The following NUF2 variants were observed in gnomAD, a reference collection of about 807,000 sequenced individuals.
NUF2 encodes kinetochore protein Nuf2.
NUF2 carries 34 observed loss-of-function variants against 61.8 expected under a neutral mutation model. That is an observed-to-expected ratio of 0.55 (90% confidence interval 0.42 to 0.73). NUF2 has a LOEUF of 0.73. NUF2 is among the 30% of genes least tolerant of loss of function. NUF2 has a pLI of 0.00. For synonymous variants in NUF2, 172 were observed against 181.6 expected (o/e 0.95, Z 0.42); for missense variants, 445 against 539.1 (o/e 0.83, Z 1.73).
intron 7 of NUF2, among the ~76,000 whole-genome samples, chr1:163,338,851 T>C (rs1194535306): frequency 6.6e-6 from 1 of 152,042 alleles, no homozygotes; most frequent in Admixed American, 6.6e-5. Flanking sequence ...AGCAGTCCTG[T>C]AAACTGACAG....
At chr1:163,340,893 T>C (rs1419039652) in intron 9 of NUF2, among the ~76,000 whole-genome samples, 1 of 152,200 alleles carries the variant, frequency 6.6e-6, no homozygotes, top group Non-Finnish European at 1.5e-5. Flanking sequence ...TAGATTCTAA[T>C]TTTTTGCTAT....
chr1:163,336,626 G>T (rs1165316475), intron 5 of NUF2, 125 bp from the exon 6 acceptor site: 3 of 569,866 alleles, frequency 5.3e-6, no homozygotes, highest in African/African-American at 1.9e-5. Flanking sequence ...TCTACACTTT[G>T]TTATATCCTA....
chr1:163,344,041 A>G (rs1182510251), intron 10 of NUF2, among the ~76,000 whole-genome samples, 171 bp downstream of exon 10: 2 of 152,174 alleles, frequency 1.3e-5, no homozygotes, highest in Admixed American at 6.6e-5. Context: ...GAATATGGGG[A>G]AAATAAATAT....
At chr1:163,325,947 C>T in intron 1 of NUF2, 85 bp from the exon 2 acceptor site, 2 of 1,035,542 alleles carry the variant, frequency 1.9e-6, no homozygotes, top group Non-Finnish European at 2.9e-6. Flanking sequence ...TCAACTTTGG[C>T]TCATTTTGTC....
intron 1 of NUF2, among the ~76,000 whole-genome samples, chr1:163,323,818 A>G (rs955579598): frequency 6.6e-6 from 1 of 152,180 alleles, no homozygotes; most frequent in Admixed American, 6.5e-5. Flanking sequence ...TTAAGTTTCA[A>G]ATAATCAATT....
intron 13 of NUF2, among the ~76,000 whole-genome samples, chr1:163,350,773 A>G (rs16852861): frequency 0.17 from 20,494 of 118,522 alleles, 1,647 homozygotes; most frequent in Non-Finnish European, 0.22. Flanking sequence ...AATGGGGCCC[A>G]TGAAATGTGT....
At chr1:163,334,739 A>G (rs1416325289) in intron 5 of NUF2, among the ~76,000 whole-genome samples, 1 of 152,166 alleles carries the variant, frequency 6.6e-6, no homozygotes, top group African/African-American at 2.4e-5. Context: ...TGATCGTGCC[A>G]CTGCATCCCA....
intron 5 of NUF2, 91 bp from the exon 6 acceptor site, chr1:163,336,660 G>T: frequency 2.6e-6 from 2 of 760,498 alleles, no homozygotes. Flanking sequence ...TATATATTAT[G>T]AGCAGAATAT....
chr1:163,352,798 G>A (rs999002811), intron 13 of NUF2, among the ~76,000 whole-genome samples: 3 of 152,004 alleles, frequency 2.0e-5, no homozygotes, highest in Non-Finnish European at 4.4e-5. Context: ...CCCGGGAGGC[G>A]GAGCTTGCAG....
intron 9 of NUF2, 147 bp from the exon 10 acceptor site, chr1:163,343,586 C>A: frequency 2.7e-6 from 1 of 364,830 alleles, no homozygotes; most frequent in Non-Finnish European, 5.0e-6. Flanking sequence ...CAAATGTGAG[C>A]AATTAAGTAG....
At chr1:163,347,484 C>T (rs1651171816) in intron 11 of NUF2, among the ~76,000 whole-genome samples, 1 of 152,160 alleles carries the variant, frequency 6.6e-6, no homozygotes, top group Non-Finnish European at 1.5e-5. Context: ...CCTAACCCCT[C>T]AACTCTAGTC....
intron 5 of NUF2, among the ~76,000 whole-genome samples, chr1:163,335,287 A>G (rs766234604): frequency 1.3e-5 from 2 of 152,136 alleles, no homozygotes; most frequent in African/African-American, 4.8e-5. Flanking sequence ...GCATCCACAG[A>G]CTTGGGTTCT....
intron 13 of NUF2, 91 bp from the exon 14 acceptor site, chr1:163,355,244 T>C: frequency 1.0e-6 from 1 of 959,346 alleles, no homozygotes; most frequent in Non-Finnish European, 1.5e-6. Context: ...AAAATATTAA[T>C]AAATATGAAT....
rs148236675 is a variant in NUF2 at position 163,325,608 on chromosome 1, A to G, written c.-20-424A>G. On this transcript the variant is annotated intron_variant, in intron 1 of 13. Coordinates refer to ENST00000271452, the MANE Select transcript of NUF2 (RefSeq NM_145697.3). ...ATGTCAAAACTGAATACAATTTTTTATGCCCTATATTACTGTTGTTTATAT... is the reference window on the plus strand; with the variant it reads ...ATGTCAAAACTGAATACAATTTTTTGTGCCCTATATTACTGTTGTTTATAT... Among the ~76,000 whole-genome samples the G allele has an allele frequency of 3.9e-5, 6 of 152,262 alleles. No individual in the cohort carries two copies. The East Asian group carries it at 1.2e-3, about 29-fold the overall frequency.
At chr1:163,327,057 G>T (rs1650440611) in intron 2 of NUF2, among the ~76,000 whole-genome samples, 1 of 150,516 alleles carries the variant, frequency 6.6e-6, no homozygotes, top group African/African-American at 2.5e-5. Flanking sequence ...CAAATCTAAG[G>T]AAACCTTAAT....
At position 163,343,754 on chromosome 1, in the gene NUF2, GT is replaced by G; in HGVS notation, c.694del (p.Ser232LeufsTer2). 1 of 1,411,558 alleles carries G rather than the reference GT, an allele frequency of 7.1e-7. No homozygotes were observed. The highest frequency in any genetic ancestry group is 9.4e-7 in the Non-Finnish European group (1 of 1,061,160). 87.4% of individuals were successfully genotyped at this position (1,411,558 alleles called of 1,614,324 possible). A position where few individuals can be genotyped will look rare whatever the true frequency, so the allele number is the denominator to read the frequency against. On this transcript the variant is annotated frameshift_variant, in exon 10 of 14. Transcript: ENST00000271452. LOFTEE classifies it high-confidence loss of function. ...ACAGAATGAACTAAAATTGTCGGTGGTTTCTTTGAAAGAAATACAAGAGAGT... is the reference window on the plus strand; with the variant it reads ...ACAGAATGAACTAAAATTGTCGGTGGTTCTTTGAAAGAAATACAAGAGAGT... The part of the protein sequence containing the change: ...KRLNELKLSV[V>X]SLKEIQESLK...
intron 3 of NUF2, chr1:163,328,001 G>A (rs1224206113): frequency 2.4e-6 from 1 of 421,286 alleles, no homozygotes; most frequent in East Asian, 3.7e-5. Flanking sequence ...CTGATATTTA[G>A]TAAATGCTAA....
At chr1:163,327,113 C>A (rs772300024) in intron 2 of NUF2, among the ~76,000 whole-genome samples, 13,632 of 56,558 alleles carry the variant, frequency 0.24, 858 homozygotes, top group South Asian at 0.43. Flanking sequence ...CACACACACA[C>A]ACACACACAC....
In NUF2 at chr1:163,355,501, C is replaced by T. The variant is rs766358290; in HGVS notation, c.*32C>T. 3 of 1,553,306 alleles carry T rather than the reference C, an allele frequency of 1.9e-6. No homozygotes were observed. Among genetic ancestry groups the T allele is most frequent in the South Asian group, 2.4e-5 (2 of 81,896 alleles). On this transcript the variant is annotated 3_prime_UTR_variant, in exon 14 of 14. Coordinates refer to ENST00000271452, the MANE Select transcript of NUF2 (RefSeq NM_145697.3). ...AAATTACATGTCTTTTTGTAAATGG[C>T]TTGCCATCTTTTAATTTTCTATTTA...
Sources: gnomAD v4.1 joint callset for allele counts (sites outside exome capture counted in the v4.1 genomes callset) on GRCh38, gnomAD v4.1.1 for gene constraint, MANE v1.5 for transcripts, NCBI Gene and HGNC (gene_info 2026-07-23, HGNC 2026-07-21) for gene names.